The following CCDC30 variants were observed in gnomAD, a reference collection of about 807,000 sequenced individuals.
CCDC30 encodes coiled-coil domain containing 30.
A neutral mutation model predicts 100.2 loss-of-function variants in CCDC30; 70 were observed. The observed-to-expected ratio is 0.70, with a 90% CI of 0.58 to 0.85. The LOEUF is 0.85. Among genes scored for constraint, CCDC30 ranks in the 40% least tolerant of loss-of-function variants. The pLI, the probability that CCDC30 is intolerant of heterozygous loss-of-function variation, is 0.00. For synonymous variants in CCDC30, 233 were observed against 269.5 expected (o/e 0.86, Z 1.33); for missense variants, 652 against 771.2 (o/e 0.85, Z 1.83).
At chr1:42,653,331 G>A (rs765146138) in intron 15 of CCDC30, 45 bp from the exon 20 acceptor site, 5 of 1,178,282 alleles carry the variant, frequency 4.2e-6, no homozygotes, top group Non-Finnish European at 6.3e-6. Context: ...ATAGCTAATG[G>A]TTTATCATTA....
intron 10 of CCDC30, among the ~76,000 whole-genome samples, chr1:42,600,061 G>C (rs1186841115): frequency 6.6e-6 from 1 of 152,058 alleles, no homozygotes. Context: ...GGGGCATGGA[G>C]CTAAACCATT....
intron 6 of CCDC30, among the ~76,000 whole-genome samples, chr1:42,513,064 C>T (rs1435676189): frequency 6.6e-6 from 1 of 152,286 alleles, no homozygotes; most frequent in African/African-American, 2.4e-5. Context: ...ACCTTCTGTT[C>T]CTGTTCTGAT....
chr1:42,642,821 T>C (rs112014111), intron 13 of CCDC30, among the ~76,000 whole-genome samples: 15 of 152,348 alleles, frequency 9.8e-5, no homozygotes, highest in African/African-American at 3.4e-4. Flanking sequence ...GCTATTTAGA[T>C]AGGCTGTTTC....
the CCDC30 span, among the ~76,000 whole-genome samples, chr1:42,458,210 A>C: frequency 6.6e-6 from 1 of 152,312 alleles, no homozygotes; most frequent in Non-Finnish European, 1.5e-5. Context: ...AATGAGATAA[A>C]GTTTTTGTTT....
intron 10 of CCDC30, chr1:42,593,930 A>G (rs1646236499): frequency 6.6e-6 from 1 of 152,148 alleles, no homozygotes; most frequent in Non-Finnish European, 1.5e-5. Flanking sequence ...CTCATGGCCC[A>G]GGGGAAAGCT....
chr1:42,620,974 TTCATGAGG>T (rs1646818471), intron 11 of CCDC30, among the ~76,000 whole-genome samples: 1 of 152,146 alleles, frequency 6.6e-6, no homozygotes, highest in South Asian at 2.1e-4. Flanking sequence ...TTTTGAAAGT[TTCATGAGG>T]TAGCCATTGT....
At chr1:42,480,007 C>T (rs946988771) in intron 1 of CCDC30, among the ~76,000 whole-genome samples, 4 of 152,144 alleles carry the variant, frequency 2.6e-5, no homozygotes, top group African/African-American at 9.7e-5. Context: ...GGGGACATCT[C>T]TGGTGCGAGC....
At chr1:42,653,687 G>A (rs949511432) in intron 16 of CCDC30, 131 bp from the exon 21 acceptor site, 1 of 685,326 alleles carries the variant, frequency 1.5e-6, no homozygotes, top group Non-Finnish European at 2.5e-6. Flanking sequence ...ATAGGTTTAA[G>A]GTAAATTTTA....
intron 6 of CCDC30, 86 bp downstream of exon 7, chr1:42,536,687 A>G (rs72659958): frequency 0.15 from 150,847 of 994,570 alleles, 11,903 homozygotes; most frequent in East Asian, 0.18. Flanking sequence ...AAGTATAACT[A>G]TGTGTCTCAG....
intron 6 of CCDC30, among the ~76,000 whole-genome samples, chr1:42,499,204 A>T (rs1644270735): frequency 6.6e-6 from 1 of 152,210 alleles, no homozygotes; most frequent in Non-Finnish European, 1.5e-5. Context: ...TGGAGAACTA[A>T]TAAGATGTAG....
intron 7 of CCDC30, among the ~76,000 whole-genome samples, chr1:42,573,486 A>G (rs1010332628): frequency 2.0e-5 from 3 of 152,088 alleles, no homozygotes; most frequent in African/African-American, 4.8e-5. Context: ...TATTCTTACA[A>G]TGTATGTATA....
chr1:42,578,554 AATTGGT>A (rs1455862703), intron 8 of CCDC30, among the ~76,000 whole-genome samples: 3 of 152,190 alleles, frequency 2.0e-5, no homozygotes, highest in Non-Finnish European at 2.9e-5. Flanking sequence ...TAATTGGTAA[AATTGGT>A]AAAGATTGGC....
chr1:42,637,575 G>A (rs928468808), intron 12 of CCDC30, among the ~76,000 whole-genome samples, 197 bp downstream of exon 16: 2 of 152,112 alleles, frequency 1.3e-5, no homozygotes, highest in South Asian at 2.1e-4. Flanking sequence ...GCTGCTACAC[G>A]GAATTGAATA....
chr1:42,459,832 CAG>C, upstream of CCDC30: 1 of 1,614,040 alleles, frequency 6.2e-7, no homozygotes, highest in South Asian at 1.1e-5. Context: ...TTATTGCTAT[CAG>C]AGGAAGAAAT....
rs77278569 is a variant in CCDC30 at position 42,485,883 on chromosome 1, C to T, written c.169+3067C>T. On this transcript the variant is annotated intron_variant, in intron 3 of 16. Transcript: ENST00000668663. ...AATTATTATTTGTCGATTAAGAAGA[C>T]GATGTTCGATACCATTAGTTATTAG... Among the ~76,000 whole-genome samples the T allele has an allele frequency of 1.2e-3, 186 of 152,130 alleles. 2 individuals carry two copies. Among genetic ancestry groups the T allele is most frequent in the African/African-American group, 3.8e-3 (158 of 41,526 alleles).
At chr1:42,615,853 A>T (rs1287369965) in intron 11 of CCDC30, among the ~76,000 whole-genome samples, 2 of 151,268 alleles carry the variant, frequency 1.3e-5, no homozygotes, top group African/African-American at 4.9e-5. Flanking sequence ...AACATATTCT[A>T]TTATTTTTAA....
intron 9 of CCDC30, among the ~76,000 whole-genome samples, chr1:42,584,467 A>G (rs368976655): frequency 6.6e-6 from 1 of 152,096 alleles, no homozygotes; most frequent in East Asian, 1.9e-4. Context: ...TAGCAGACAC[A>G]TGTTAACCCC....
intron 1 of CCDC30, among the ~76,000 whole-genome samples, chr1:42,479,111 C>T (rs916251837): frequency 2.0e-5 from 3 of 152,118 alleles, no homozygotes; most frequent in Non-Finnish European, 2.9e-5. Flanking sequence ...CGCGATGTTT[C>T]GCACCTGTAA....
At chr1:42,468,817 G>A (rs1329065052) in intron 1 of CCDC30, 1 of 152,160 alleles carries the variant, frequency 6.6e-6, no homozygotes, top group African/African-American at 2.4e-5. Context: ...GCGAAGCCAA[G>A]GTTTGAGCCA....
Sources: allele counts gnomAD v4.1 joint callset (sites outside exome capture counted in the v4.1 genomes callset), GRCh38; gene constraint gnomAD v4.1.1; transcripts MANE v1.5; gene names NCBI Gene and HGNC (gene_info 2026-07-23, HGNC 2026-07-21).